FARP1: variants seen among roughly 807,000 people sequenced by gnomAD.
FARP1 encodes FERM, ARHGEF and pleckstrin domain-containing protein 1.
A neutral mutation model predicts 128.8 loss-of-function variants in FARP1; 52 were observed. The observed-to-expected ratio is 0.40, with a 90% CI of 0.32 to 0.51. The LOEUF (loss-of-function observed/expected upper bound fraction) is 0.51. FARP1 is among the 20% of genes least tolerant of loss of function. The pLI, the probability that FARP1 is intolerant of heterozygous loss-of-function variation, is 0.45. For missense variants in FARP1, 1,333 were observed against 1,367.9 expected, an observed-to-expected ratio of 0.97 and a Z score of 0.40; for synonymous variants, 580 against 551.8, an observed-to-expected ratio of 1.05 and a Z score of -0.72.
At chr13:98,285,792 A>G (rs767153777) in intron 2 of FARP1, among the ~76,000 whole-genome samples, 1 of 152,188 alleles carries the variant, frequency 6.6e-6, no homozygotes, top group South Asian at 2.1e-4. Context: ...TAAGAAGACA[A>G]GTTGTTGCTT....
At chr13:98,308,029 C>CTTTTT (rs1886253580) in intron 2 of FARP1, among the ~76,000 whole-genome samples, 3 of 114,922 alleles carry the variant, frequency 2.6e-5, no homozygotes, top group African/African-American at 1.1e-4. Flanking sequence ...CCCCCACTCT[C>CTTTTT]TCTCTTTTTT....
intron 2 of FARP1, among the ~76,000 whole-genome samples, chr13:98,241,190 G>A (rs1882750910): frequency 1.3e-5 from 2 of 152,182 alleles, no homozygotes; most frequent in Admixed American, 1.3e-4. Flanking sequence ...CCAGAGGTGA[G>A]GTCTAAGTGG....
At chr13:98,149,392 A>ATT (rs200097750) in intron 1 of FARP1, among the ~76,000 whole-genome samples, 13,736 of 152,236 alleles carry the variant, frequency 0.09, 786 homozygotes, top group African/African-American at 0.15. Flanking sequence ...AGTGTTGGCT[A>ATT]TCATGAATAC....
intron 6 of FARP1, among the ~76,000 whole-genome samples, chr13:98,379,153 T>TATATAATATATATATA (rs1555342097): frequency 1.4e-5 from 1 of 73,014 alleles, no homozygotes; most frequent in African/African-American, 9.8e-5. Context: ...CTATATATAA[T>TATATAATATATATATA]ATATATATAA....
chr13:98,153,204 C>T (rs192374733), intron 1 of FARP1, among the ~76,000 whole-genome samples: 76 of 147,728 alleles, frequency 5.1e-4, no homozygotes, highest in Non-Finnish European at 9.3e-4. Flanking sequence ...GGGAAACCAG[C>T]GATTTTCTAA....
At position 98,371,675 on chromosome 13, in the gene FARP1, G is replaced by T. The variant is rs555632937; in HGVS notation, c.398+3480G>T. 7.9e-5 allele frequency among the ~76,000 whole-genome samples: 12 copies of T among 152,220 alleles called. No homozygotes were observed. In the South Asian group the frequency reaches 2.3e-3, roughly 29 times the overall value. ...ATTCCTGTAGAAGCAAAAATGGACT[G>T]ACTATTGAGATTTCAGGTGCTGTTC... On this transcript the variant is annotated intron_variant, in intron 5 of 26. Coordinates refer to ENST00000319562, the MANE Select transcript of FARP1 (RefSeq NM_005766.4).
At position 98,384,340 on chromosome 13, in the gene FARP1, C is replaced by A. The variant is rs554192549; in HGVS notation, c.497-390C>A. The A allele has an allele frequency of 8.2e-5, 15 of 183,840 alleles. No homozygotes were observed. In the East Asian group the frequency reaches 1.8e-3, roughly 22 times the overall value. 11.4% of individuals were successfully genotyped at this position (183,840 alleles called of 1,614,324 possible). A position where few individuals can be genotyped will look rare whatever the true frequency, so the allele number is the denominator to read the frequency against. ...CCCAGGTCGCTGGGATTACAGGTGC[C>A]CGCCACCGTACCCAGCCAATTTTTG... is the stretch of plus-strand genomic sequence containing the variant. On this transcript the variant is annotated intron_variant, in intron 6 of 26. Coordinates refer to ENST00000319562, the MANE Select transcript of FARP1 (RefSeq NM_005766.4).
intron 2 of FARP1, among the ~76,000 whole-genome samples, chr13:98,341,847 C>T (rs1312952537): frequency 6.6e-6 from 1 of 152,018 alleles, no homozygotes; most frequent in Non-Finnish European, 1.5e-5. Context: ...ATTCCCTTTC[C>T]CTATAGATCC....
Position 98,388,548 on chromosome 13 carries a change from G to A in FARP1, c.855+70G>A, listed in dbSNP as rs1448466770. On this transcript the variant is annotated intron_variant, in intron 9 of 26. Transcript: ENST00000319562. ...GGCGTGTGTCCTGCAAGGGGTGGAG[G>A]TCTGCTTGGCAGGGCTTCTGCTGAA... 7.4e-6 allele frequency: 9 copies of A among 1,217,168 alleles called. No homozygotes were observed. In the African/African-American group the frequency reaches 7.4e-5, roughly 10 times the overall value. The allele number at this position is 1,217,168 out of a possible 1,614,324, so 75.4% of individuals were successfully genotyped here.
chr13:98,199,972 T>G (rs1879825896), intron 1 of FARP1, among the ~76,000 whole-genome samples: 1 of 152,224 alleles, frequency 6.6e-6, no homozygotes, highest in African/African-American at 2.4e-5. Context: ...AAGCCTTCTC[T>G]TCTGGTAATT....
chr13:98,343,742 CCT>C lies in FARP1; in HGVS notation c.172-19_172-18del, dbSNP rs752223364. 2 of 1,565,650 alleles carry C rather than the reference CCT, an allele frequency of 1.3e-6. No homozygotes were observed. Among genetic ancestry groups the C allele is most frequent in the East Asian group, 4.5e-5 (2 of 44,644 alleles). ...ATCCGTGCCTGCCTCAGGGATAACC[CCT>C]GTTGTTTCTGCTCACAGCAAAGAGC... On this transcript the variant is annotated intron_variant, in intron 2 of 26. Coordinates refer to ENST00000319562, the MANE Select transcript of FARP1 (RefSeq NM_005766.4).
chr13:98,453,470 A>T lies in FARP1; in HGVS notation c.*5153A>T, dbSNP rs114162767. The T allele has an allele frequency of 3.3e-3, 1,524 of 466,338 alleles. 28 individuals are homozygous for T. The highest frequency in any genetic ancestry group is 0.029 in the African/African-American group (1,428 of 49,420). 28.9% of individuals were successfully genotyped at this position (466,338 alleles called of 1,614,324 possible). A position where few individuals can be genotyped will look rare whatever the true frequency, so the allele number is the denominator to read the frequency against. ...GCCTCCCTGGAGAGATGTGAATAAAACGGGAAATCATATCCCTTTTACTTA... is the reference window on the plus strand; with the variant it reads ...GCCTCCCTGGAGAGATGTGAATAAATCGGGAAATCATATCCCTTTTACTTA... On this transcript the variant is annotated 3_prime_UTR_variant, in exon 27 of 27. Coordinates refer to ENST00000319562, the MANE Select transcript of FARP1 (RefSeq NM_005766.4).
chr13:98,207,908 CCACACACACACACACACACACA>C (rs71111934), intron 1 of FARP1, among the ~76,000 whole-genome samples: 25 of 71,610 alleles, frequency 3.5e-4, no homozygotes, highest in East Asian at 2.5e-3. Flanking sequence ...ACCACCACCT[CCACACACACACACACACACACA>C]CACACACACA....
rs536606446 is a variant in FARP1 at position 98,195,331 on chromosome 13, A to G, written c.-23-17889A>G. 2.6e-5 allele frequency among the ~76,000 whole-genome samples: 4 copies of G among 152,270 alleles called. No individual in the cohort carries two copies. In the South Asian group the frequency reaches 6.2e-4, roughly 24 times the overall value. On this transcript the variant is annotated intron_variant, in intron 1 of 26. Transcript: ENST00000319562. Reference sequence around the variant, plus strand: ...CTATTTAAACCAAGCTGTGATTTACATGGGAACTGAGCATTTGCTTTGGGG... The same window carrying G: ...CTATTTAAACCAAGCTGTGATTTACGTGGGAACTGAGCATTTGCTTTGGGG...
chr13:98,415,875 C>G (rs1230686025), intron 16 of FARP1, among the ~76,000 whole-genome samples: 1 of 152,248 alleles, frequency 6.6e-6, no homozygotes, highest in Non-Finnish European at 1.5e-5. Flanking sequence ...AGGTCACACC[C>G]CCGCCATGGG....
chr13:98,390,609 A>T, intron 10 of FARP1: 1 of 535,580 alleles, frequency 1.9e-6, no homozygotes, highest in Non-Finnish European at 3.3e-6. Context: ...TTTTTTCTGT[A>T]TATTCAAGGA....
chr13:98,176,154 G>A lies in FARP1; in HGVS notation c.-24+32662G>A, dbSNP rs1298453309. 2 of 1,606,576 alleles carry A rather than the reference G, an allele frequency of 1.2e-6. No individual in the cohort carries two copies. Among genetic ancestry groups the A allele is most frequent in the Admixed American group, 1.7e-5 (1 of 59,906 alleles). On this transcript the variant is annotated intron_variant, in intron 1 of 26. Coordinates refer to ENST00000319562, the MANE Select transcript of FARP1 (RefSeq NM_005766.4). This position sits in a 1 kb window ranked among gnomAD's most constrained non-coding sequence, Gnocchi z 6.2. ...TTCTCCCCAGTGTACATACAGACTT[G>A]AGTCTTTCTTATCTCTTTTTTCCTA...
At chr13:98,197,639 T>C (rs1879643584) in intron 1 of FARP1, among the ~76,000 whole-genome samples, 1 of 151,730 alleles carries the variant, frequency 6.6e-6, no homozygotes, top group African/African-American at 2.4e-5. Context: ...AAAACTTCCT[T>C]AATTTTTTTT....
chr13:98,371,155 A>G (rs957830914), intron 5 of FARP1, among the ~76,000 whole-genome samples: 21 of 151,370 alleles, frequency 1.4e-4, no homozygotes, highest in Non-Finnish European at 2.9e-4. Context: ...GTGAATCACC[A>G]GGGCTCTTTC....
Sources: gnomAD v4.1 joint callset for allele counts (sites outside exome capture counted in the v4.1 genomes callset) on GRCh38, gnomAD v4.1.1 for gene constraint, Gnocchi (gnomAD v3.1) non-coding constraint, MANE v1.5 for transcripts, NCBI Gene and HGNC (gene_info 2026-07-23, HGNC 2026-07-21) for gene names.